HDAC9: variants seen among roughly 807,000 people sequenced by gnomAD.
HDAC9 encodes the protein MEF-2 interacting transcription repressor (MITR) protein.
HDAC9 carries 41 observed loss-of-function variants against 139.4 expected under a neutral mutation model. The ratio of observed to expected loss-of-function variants is 0.29; its 90% confidence interval spans 0.23 to 0.38. The LOEUF (loss-of-function observed/expected upper bound fraction) is 0.38, where lower values mean the gene tolerates loss of function less well. Among genes scored for constraint, HDAC9 ranks in the 10% least tolerant of loss-of-function variants. The probability of loss-of-function intolerance (pLI) is 1.00; values close to 1 mark genes in which losing one functional copy is unlikely to be tolerated. For synonymous variants in HDAC9, 517 were observed against 476.2 expected (o/e 1.09, Z -1.12); for missense variants, 1,147 against 1,297.0 (o/e 0.88, Z 1.78).
intron 1 of HDAC9, among the ~76,000 whole-genome samples, chr7:18,300,744 A>T (rs1310733888): frequency 6.6e-6 from 1 of 152,222 alleles, no homozygotes. Flanking sequence ...TAAAACTAGC[A>T]AAGCCGTATT....
rs113010020 is a variant in HDAC9, at chr7:18,863,119, A to G, written c.2685-11359A>G. On this transcript the variant is annotated intron_variant, in intron 21 of 25. Transcript: ENST00000686413. ...TTTGCATTTAAAGCAAAGGCTCATA[A>G]ACAGTGAAGCCACAGTAGAAATGGG... Among the ~76,000 whole-genome samples the G allele has an allele frequency of 6.8e-3, 1,041 of 152,336 alleles. 12 individuals are homozygous for G. The highest frequency in any genetic ancestry group is 0.023 in the African/African-American group (940 of 41,578).
At chr7:18,492,293 T>C (rs552088582), upstream of HDAC9, among the ~76,000 whole-genome samples, 4 of 152,146 alleles carry the variant, frequency 2.6e-5, no homozygotes, top group African/African-American at 9.6e-5. Flanking sequence ...TTCAGGATTG[T>C]GATCTAAATC....
intron 2 of HDAC9, among the ~76,000 whole-genome samples, chr7:18,507,587 C>T (rs998582567): frequency 6.6e-6 from 1 of 151,874 alleles, no homozygotes; most frequent in Non-Finnish European, 1.5e-5. Context: ...CTCCGCCTCC[C>T]GGGTTCAAGC....
At position 18,904,610 on chromosome 7, in the gene HDAC9, C is replaced by A. The variant is rs1222815794; in HGVS notation, c.2803+30014C>A. Among the ~76,000 whole-genome samples, 3 of 125,528 alleles carry A rather than the reference C, an allele frequency of 2.4e-5. No individual in the cohort carries two copies. In the South Asian group the frequency reaches 7.7e-4, roughly 32 times the overall value. The allele number at this position is 125,528 out of a possible 152,430, so 82.4% of individuals were successfully genotyped here. A position where few individuals can be genotyped will look rare whatever the true frequency, so the allele number is the denominator to read the frequency against. The stretch of plus-strand genomic sequence containing the variant: ...TTTTTTTTTTTTTTAGATGGAGTCT[C>A]GCTGTCTCCCAGGCTGAAGTGCAGT... On this transcript the variant is annotated intron_variant, in intron 22 of 25. Coordinates refer to ENST00000686413, the MANE Select transcript of HDAC9 (RefSeq NM_178425.4).
chr7:18,418,424 C>CAAAAAAA, intron 1 of HDAC9, among the ~76,000 whole-genome samples: 1 of 76,944 alleles, frequency 1.3e-5, no homozygotes, highest in Non-Finnish European at 3.0e-5. Flanking sequence ...GTATACAAAC[C>CAAAAAAA]AAAAAAAAAA....
At position 18,610,939 on chromosome 7, in the gene HDAC9, G is replaced by A. The variant is rs116247446; in HGVS notation, c.664+16910G>A. Among the ~76,000 whole-genome samples, 582 of 152,222 alleles carry A rather than the reference G, an allele frequency of 3.8e-3. 3 individuals are homozygous for A. Among genetic ancestry groups the A allele is most frequent in the African/African-American group, 0.013 (553 of 41,550 alleles). On this transcript the variant is annotated intron_variant, in intron 6 of 25. Transcript: ENST00000686413. ...GTGTTTTATTTTGGGGGCCTCAACA[G>A]TGCAAATGATATATTCTTTCCTATT... is the stretch of plus-strand genomic sequence containing the variant.
chr7:18,323,201 A>G (rs1431852001), intron 1 of HDAC9, among the ~76,000 whole-genome samples: 3 of 152,140 alleles, frequency 2.0e-5, no homozygotes, highest in African/African-American at 7.2e-5. Flanking sequence ...CCCAGACTCC[A>G]TATCCACTGA....
chr7:18,427,586 A>G (rs977389062), intron 1 of HDAC9, among the ~76,000 whole-genome samples: 1 of 151,498 alleles, frequency 6.6e-6, no homozygotes, highest in Admixed American at 6.6e-5. Context: ...CCTGGCCTCC[A>G]CCATGGCTCT....
chr7:18,917,479 T>A (rs538618392), intron 22 of HDAC9, among the ~76,000 whole-genome samples: 13 of 152,090 alleles, frequency 8.5e-5, no homozygotes, highest in Admixed American at 5.9e-4. Context: ...TTGAGCAAAT[T>A]CTGCAAGCAA....
At chr7:18,387,564 A>C (rs1786057045) in intron 1 of HDAC9, among the ~76,000 whole-genome samples, 1 of 152,244 alleles carries the variant, frequency 6.6e-6, no homozygotes, top group Admixed American at 6.5e-5. Flanking sequence ...ATAGAAAATG[A>C]GGAAGGAGGT....
chr7:18,240,693 CA>C (rs1472905295), intron 2 of HDAC9, among the ~76,000 whole-genome samples: 1 of 152,124 alleles, frequency 6.6e-6, no homozygotes, highest in African/African-American at 2.4e-5. Flanking sequence ...CTTATCAGAA[CA>C]AAATCTAGAA....
At chr7:18,588,855 A>G (rs1830153836) in intron 3 of HDAC9, among the ~76,000 whole-genome samples, 1 of 152,142 alleles carries the variant, frequency 6.6e-6, no homozygotes, top group South Asian at 2.1e-4. Flanking sequence ...GAGGTCAGGT[A>G]TGGAATTCTC....
At chr7:18,865,797 T>C (rs1214305688) in intron 21 of HDAC9, among the ~76,000 whole-genome samples, 1 of 152,166 alleles carries the variant, frequency 6.6e-6, no homozygotes, top group African/African-American at 2.4e-5. Context: ...TTTTTGTTTT[T>C]GCCAGAAAAA....
intron 22 of HDAC9, among the ~76,000 whole-genome samples, chr7:18,903,274 A>T (rs575979304): frequency 3.9e-5 from 6 of 152,326 alleles, no homozygotes; most frequent in Non-Finnish European, 7.4e-5. Flanking sequence ...AATTTTTTTA[A>T]ATCCCAGTTT....
intron 1 of HDAC9, among the ~76,000 whole-genome samples, chr7:18,335,671 C>G (rs530521590): frequency 6.6e-6 from 1 of 151,528 alleles, no homozygotes; most frequent in Non-Finnish European, 1.5e-5. Context: ...AAATGCTGAG[C>G]TACTGTTTAT....
chr7:18,666,308 C>T lies in HDAC9; in HGVS notation c.1563C>T (p.Asp521=), dbSNP rs1428881475. 6.8e-6 allele frequency: 11 copies of T among 1,613,342 alleles called. No homozygotes were observed. In the South Asian group the frequency reaches 8.8e-5, roughly 13 times the overall value. Residue 521 remains aspartate (D), a synonymous_variant, in exon 12 of 26, where the codon GAC becomes GAT. Coordinates refer to ENST00000686413, the MANE Select transcript of HDAC9 (RefSeq NM_178425.4). Reference sequence around the variant, plus strand: ...AGGGGGACCAGGCGATGCAGGAAGACAGAGCGCCCTCTAGTGGCAACAGCA... The same window carrying T: ...AGGGGGACCAGGCGATGCAGGAAGATAGAGCGCCCTCTAGTGGCAACAGCA... ...ELQGDQAMQE[D]RAPSSGNSTR...
At chr7:18,798,549 G>T (rs558915188) in intron 17 of HDAC9, among the ~76,000 whole-genome samples, 9 of 152,230 alleles carry the variant, frequency 5.9e-5, no homozygotes, top group Admixed American at 2.0e-4. Context: ...GGGAGATAAG[G>T]GAGTGGATAA....
chr7:18,348,768 A>G (rs949065196), intron 1 of HDAC9, among the ~76,000 whole-genome samples: 1 of 152,090 alleles, frequency 6.6e-6, no homozygotes. Flanking sequence ...AAACTCACAT[A>G]TTTCAACTTC....
chr7:18,505,987 T>C (rs1020380144), intron 2 of HDAC9: 1 of 152,204 alleles, frequency 6.6e-6, no homozygotes, highest in Non-Finnish European at 1.5e-5. Flanking sequence ...TTGTTAGGCG[T>C]TATCATGCCA....
Sources: gnomAD v4.1 joint callset for allele counts (sites outside exome capture counted in the v4.1 genomes callset) on GRCh38, gnomAD v4.1.1 for gene constraint, MANE v1.5 for transcripts, NCBI Gene and HGNC (gene_info 2026-07-23, HGNC 2026-07-21) for gene names.